ATF7IP: variants seen among roughly 807,000 people sequenced by gnomAD.
ATF7IP encodes the protein activating transcription factor 7-interacting protein 1.
In ATF7IP, 23 loss-of-function variants were observed where a neutral mutation model predicts 106.4. That is an observed-to-expected ratio of 0.22 (90% CI 0.16 to 0.31). The LOEUF is 0.31. ATF7IP is among the 10% of genes least tolerant of loss of function. The probability of loss-of-function intolerance (pLI) is 1.00; values close to 1 mark genes in which losing one functional copy is unlikely to be tolerated. For synonymous variants in ATF7IP, 542 were observed against 539.0 expected (o/e 1.01, Z -0.08); for missense variants, 1,334 against 1,524.3 (o/e 0.88, Z 2.08).
chr12:14,407,306 C>T (rs1020694376), intron 1 of ATF7IP, among the ~76,000 whole-genome samples: 1 of 151,980 alleles, frequency 6.6e-6, no homozygotes, highest in Non-Finnish European at 1.5e-5. Flanking sequence ...ACTTGGCTGT[C>T]AAACCAGCCA....
intron 12 of ATF7IP, among the ~76,000 whole-genome samples, chr12:14,479,766 G>A (rs373405004): frequency 6.6e-6 from 1 of 152,096 alleles, no homozygotes; most frequent in Non-Finnish European, 1.5e-5. Flanking sequence ...GCAAAAGAAT[G>A]TGCCTATGTG....
At chr12:14,467,880 A>G (rs569514334) in intron 10 of ATF7IP, among the ~76,000 whole-genome samples, 1 of 152,284 alleles carries the variant, frequency 6.6e-6, no homozygotes, top group Admixed American at 6.5e-5. Context: ...ACAAATGGCT[A>G]GTGGCTAGCA....
chr12:14,492,473 T>A (rs147048983), intron 13 of ATF7IP, among the ~76,000 whole-genome samples: 2 of 152,036 alleles, frequency 1.3e-5, no homozygotes, highest in Non-Finnish European at 2.9e-5. Context: ...CTCCCCTTCA[T>A]TCAAGGGGTT....
chr12:14,366,490 G>C (rs928700132), intron 1 of ATF7IP, among the ~76,000 whole-genome samples: 1 of 152,150 alleles, frequency 6.6e-6, no homozygotes, highest in Non-Finnish European at 1.5e-5. Context: ...TTGGGGGAAC[G>C]GGAATAGTGG....
At chr12:14,417,954 T>C (rs1387195644) in intron 1 of ATF7IP, among the ~76,000 whole-genome samples, 1 of 152,178 alleles carries the variant, frequency 6.6e-6, no homozygotes, top group Non-Finnish European at 1.5e-5. Context: ...TTGAGCTTTT[T>C]GAGCAGGCAG....
intron 13 of ATF7IP, among the ~76,000 whole-genome samples, chr12:14,494,333 ATGTGTGTGTG>A (rs1210425478): frequency 2.6e-4 from 22 of 85,956 alleles, no homozygotes; most frequent in East Asian, 1.2e-3. Context: ...ATATATATAT[ATGTGTGTGTG>A]TATATGTATA....
At chr12:14,366,711 T>G (rs1938310502) in intron 1 of ATF7IP, among the ~76,000 whole-genome samples, 1 of 152,256 alleles carries the variant, frequency 6.6e-6, no homozygotes, top group East Asian at 1.9e-4. Flanking sequence ...ACTCATTTTC[T>G]TAGCATTTTT....
At chr12:14,460,364 A>T in intron 8 of ATF7IP, 131 bp from the exon 9 acceptor site, 1 of 903,356 alleles carries the variant, frequency 1.1e-6, no homozygotes. Context: ...TCTGGAAAAA[A>T]ATTTCATGAT....
intron 13 of ATF7IP, among the ~76,000 whole-genome samples, chr12:14,487,993 G>A (rs1178994849): frequency 6.6e-6 from 1 of 152,084 alleles, no homozygotes; most frequent in Non-Finnish European, 1.5e-5. Context: ...GTTCATGCCA[G>A]GTACTATCAG....
intron 1 of ATF7IP, among the ~76,000 whole-genome samples, chr12:14,418,864 A>G (rs1040603737): frequency 1.3e-5 from 2 of 152,144 alleles, no homozygotes; most frequent in African/African-American, 4.8e-5. Flanking sequence ...TTTTATTGAT[A>G]AAATCAACTT....
chr12:14,458,278 C>T (rs1042110519), intron 8 of ATF7IP, among the ~76,000 whole-genome samples: 1 of 152,098 alleles, frequency 6.6e-6, no homozygotes, highest in Admixed American at 6.6e-5. Context: ...GACATTAAGA[C>T]AGCTAAAGAT....
At chr12:14,426,710 A>G (rs1488380020) in intron 2 of ATF7IP, among the ~76,000 whole-genome samples, 1 of 149,900 alleles carries the variant, frequency 6.7e-6, no homozygotes, top group Non-Finnish European at 1.5e-5. Flanking sequence ...TCTGTAGTCC[A>G]GGGTACTTGA....
intron 2 of ATF7IP, among the ~76,000 whole-genome samples, chr12:14,433,094 C>T (rs952262841): frequency 6.6e-6 from 1 of 152,052 alleles, no homozygotes; most frequent in African/African-American, 2.4e-5. Flanking sequence ...CTGGGCCAGT[C>T]GAGGTGGCTC....
chr12:14,439,864 C>G (rs2136636305), intron 5 of ATF7IP, among the ~76,000 whole-genome samples: 1 of 145,740 alleles, frequency 6.9e-6, no homozygotes, highest in African/African-American at 2.4e-5. Flanking sequence ...TCCATCCATC[C>G]ATCCATCCAT....
intron 7 of ATF7IP, 73 bp from the exon 8 acceptor site, chr12:14,457,133 CT>C: frequency 7.7e-7 from 1 of 1,297,932 alleles, no homozygotes; most frequent in Non-Finnish European, 1.1e-6. Flanking sequence ...TGGGCCACTG[CT>C]TATTCTAGAT....
chr12:14,405,483 T>A (rs1489584155), intron 1 of ATF7IP, among the ~76,000 whole-genome samples: 2 of 142,942 alleles, frequency 1.4e-5, no homozygotes, highest in East Asian at 4.6e-4. Context: ...GGCACAATCA[T>A]GGCTCACTAT....
chr12:14,432,082 C>T (rs1942167458), intron 2 of ATF7IP, among the ~76,000 whole-genome samples: 1 of 152,076 alleles, frequency 6.6e-6, no homozygotes, highest in Non-Finnish European at 1.5e-5. Context: ...AAATCTCAAG[C>T]TGAGCTTGAC....
intron 6 of ATF7IP, among the ~76,000 whole-genome samples, chr12:14,448,897 A>T (rs1943087584): frequency 2.6e-5 from 4 of 152,090 alleles, no homozygotes; most frequent in Admixed American, 2.0e-4. Context: ...TTCTCTAATG[A>T]CTAGTGATGT....
intron 13 of ATF7IP, 41 bp from the exon 14 acceptor site, chr12:14,496,190 G>A: frequency 8.0e-7 from 1 of 1,256,386 alleles, no homozygotes; most frequent in South Asian, 1.2e-5. Flanking sequence ...ATTTACAATA[G>A]AATTATCATT....
Sources: gnomAD v4.1 joint callset for allele counts (sites outside exome capture counted in the v4.1 genomes callset) on GRCh38, gnomAD v4.1.1 for gene constraint, MANE v1.5 for transcripts, NCBI Gene and HGNC (gene_info 2026-07-23, HGNC 2026-07-21) for gene names.